Variants in CFAP20DC observed in about 807,000 individuals in gnomAD.
CFAP20DC encodes the protein CFAP20 domain containing, also known as protein CFAP20DC.
In CFAP20DC, 84 loss-of-function variants were observed where a neutral mutation model predicts 101.7. The observed-to-expected ratio is 0.83, with a 90% CI of 0.69 to 0.99. The LOEUF (loss-of-function observed/expected upper bound fraction) is 0.99. CFAP20DC is among the 50% of genes least tolerant of loss of function. CFAP20DC has a pLI of 0.00. For missense variants in CFAP20DC, 1,007 were observed against 970.3 expected, an observed-to-expected ratio of 1.04 and a Z score of -0.50; for synonymous variants, 359 against 351.2, an observed-to-expected ratio of 1.02 and a Z score of -0.25.
intron 4 of CFAP20DC, among the ~76,000 whole-genome samples, chr3:59,004,023 T>C (rs1377173816): frequency 3.3e-5 from 5 of 152,192 alleles, no homozygotes; most frequent in South Asian, 4.1e-4. Flanking sequence ...AATGTCTTGA[T>C]ATAGTTACAG....
rs1191345947 is a variant in CFAP20DC at position 58,795,779 on chromosome 3, A to G, written c.2237+10616T>C. 6.6e-6 allele frequency among the ~76,000 whole-genome samples: 1 copy of G among 152,212 alleles called. No homozygotes were observed. Among genetic ancestry groups the G allele is most frequent in the Non-Finnish European group, 1.5e-5 (1 of 68,044 alleles). ...AGGGGAATGGGTTTCATAAGTTTAT[A>G]ATTTTCGAAAACATGACAATAACTG... On this transcript the variant is annotated intron_variant, in intron 15 of 16. Transcript: ENST00000482387. This position sits in a 1 kb window ranked among gnomAD's most constrained non-coding sequence, Gnocchi z 4.2.
chr3:58,816,820 C>T (rs2075207654), intron 14 of CFAP20DC, among the ~76,000 whole-genome samples: 1 of 152,168 alleles, frequency 6.6e-6, no homozygotes, highest in South Asian at 2.1e-4. Context: ...CCTCTGTAGG[C>T]TCCACCTCTG....
Position 58,816,975 on chromosome 3 carries a change from C to T in CFAP20DC, c.2176-10519G>A, listed in dbSNP as rs180679690. Among the ~76,000 whole-genome samples, 1,244 of 152,264 alleles carry T rather than the reference C, an allele frequency of 8.2e-3. 18 individuals carry two copies. Among genetic ancestry groups the T allele is most frequent in the South Asian group, 0.03 (144 of 4,818 alleles). ...AGCAGACTGCCTCCTCAAGTGGGTC[C>T]CTGGCCCCTGACCCCCGAGCAGCCT... On this transcript the variant is annotated intron_variant, in intron 14 of 16. Coordinates refer to ENST00000482387, the MANE Select transcript of CFAP20DC (RefSeq NM_001394063.1).
At chr3:58,947,169 G>A (rs954995173) in intron 4 of CFAP20DC, among the ~76,000 whole-genome samples, 5 of 152,170 alleles carry the variant, frequency 3.3e-5, no homozygotes, top group Admixed American at 1.3e-4. Context: ...CTTCCTCTGG[G>A]AAGGAAAGAG....
At chr3:58,936,274 A>G (rs2087591128) in intron 5 of CFAP20DC, among the ~76,000 whole-genome samples, 1 of 152,188 alleles carries the variant, frequency 6.6e-6, no homozygotes, top group South Asian at 2.1e-4. Flanking sequence ...TCAGGAAACA[A>G]CAGGTGCTGG....
chr3:58,987,612 AAT>A (rs1361330873), intron 4 of CFAP20DC, among the ~76,000 whole-genome samples: 2 of 152,020 alleles, frequency 1.3e-5, no homozygotes, highest in Non-Finnish European at 2.9e-5. Context: ...GAAATTTAAA[AAT>A]ACAGTATCAG....
intron 15 of CFAP20DC, among the ~76,000 whole-genome samples, chr3:58,764,066 A>C (rs1177710617): frequency 6.6e-6 from 1 of 152,192 alleles, no homozygotes; most frequent in East Asian, 1.9e-4. Context: ...CAAAGCTGTC[A>C]GACAGGGACA....
rs1414318226 is a variant in CFAP20DC at position 58,935,743 on chromosome 3, C to A, written c.393+1905G>T. On this transcript the variant is annotated intron_variant, in intron 5 of 16. Coordinates refer to ENST00000482387, the MANE Select transcript of CFAP20DC (RefSeq NM_001394063.1). ...ATATGTAGAAAGCTGAAACTGGATC[C>A]CTTCCTTACATCTTATACAAAAATT... 3.9e-5 allele frequency among the ~76,000 whole-genome samples: 6 copies of A among 152,222 alleles called. No homozygotes were observed. In the South Asian group the frequency reaches 6.2e-4, roughly 16 times the overall value.
intron 4 of CFAP20DC, among the ~76,000 whole-genome samples, chr3:58,966,627 G>A (rs902375603): frequency 2.0e-5 from 3 of 151,270 alleles, no homozygotes; most frequent in African/African-American, 4.9e-5. Flanking sequence ...GGGTTCAAGC[G>A]ATTCTCCTAC....
At chr3:58,727,901 T>G (rs1559525648) in intron 3 of CFAP20DC, 1 of 152,196 alleles carries the variant, frequency 6.6e-6, no homozygotes, top group Non-Finnish European at 1.5e-5. Context: ...ACAGTTGCTA[T>G]GTAGAGTGGA....
At chr3:58,855,138 C>G (rs1373832567) in intron 12 of CFAP20DC, among the ~76,000 whole-genome samples, 1 of 151,530 alleles carries the variant, frequency 6.6e-6, no homozygotes, top group Non-Finnish European at 1.5e-5. Flanking sequence ...ACAAATTTAC[C>G]AGAAAAAAAC....
At position 58,964,297 on chromosome 3, in the gene CFAP20DC, G is replaced by A. The variant is rs553079184; in HGVS notation, c.279-26535C>T. On this transcript the variant is annotated intron_variant, in intron 4 of 16. Coordinates refer to ENST00000482387, the MANE Select transcript of CFAP20DC (RefSeq NM_001394063.1). This position sits in a 1 kb window ranked among gnomAD's most constrained non-coding sequence, Gnocchi z 4.1. The stretch of plus-strand genomic sequence containing the variant: ...AGGCTGGTCACTCAAATGCCTTCAT[G>A]TCCTGAAAAGACCTTTTGAGGTACA... 2.0e-5 allele frequency among the ~76,000 whole-genome samples: 3 copies of A among 152,316 alleles called. No homozygotes were observed. The highest frequency in any genetic ancestry group is 3.9e-4 in the East Asian group (2 of 5,186).
chr3:58,716,900 A>T (rs1047793851), downstream of CFAP20DC, among the ~76,000 whole-genome samples: 2 of 151,944 alleles, frequency 1.3e-5, no homozygotes, highest in Non-Finnish European at 2.9e-5. Flanking sequence ...AAATAGGCCC[A>T]CTAGGCATTG....
At chr3:58,737,324 A>T (rs779979240), downstream of CFAP20DC, 2 of 439,920 alleles carry the variant, frequency 4.5e-6, no homozygotes, top group African/African-American at 2.0e-5. This position sits in a 1 kb window ranked among gnomAD's most constrained non-coding sequence, Gnocchi z 4.1. Context: ...ACACACACAG[A>T]CACACACCCA....
intron 6 of CFAP20DC, among the ~76,000 whole-genome samples, chr3:58,886,622 G>A (rs2081650973): frequency 6.6e-6 from 1 of 151,932 alleles, no homozygotes; most frequent in African/African-American, 2.4e-5. Context: ...TGAGGTGAGA[G>A]AATCACCTGA....
At chr3:58,862,795 TAA>T in intron 12 of CFAP20DC, 1 of 983,858 alleles carries the variant, frequency 1.0e-6, no homozygotes, top group Non-Finnish European at 1.2e-6. Context: ...GCTTTTAGAA[TAA>T]ATTTTTCCAG....
At chr3:58,890,792 G>T (rs1453551664) in intron 6 of CFAP20DC, among the ~76,000 whole-genome samples, 1 of 148,504 alleles carries the variant, frequency 6.7e-6, no homozygotes, top group East Asian at 2.1e-4. Context: ...AGATGGGGCG[G>T]CGGGGCAGAG....
chr3:58,799,733 C>CTGTGTGTGTGTGTG lies in CFAP20DC; in HGVS notation c.2237+6648_2237+6661dup, dbSNP rs112827949. Among the ~76,000 whole-genome samples, 2 of 142,860 alleles carry CTGTGTGTGTGTGTG rather than the reference C, an allele frequency of 1.4e-5. No individual in the cohort carries two copies. The highest frequency in any genetic ancestry group is 3.1e-5 in the Non-Finnish European group (2 of 63,998). 93.7% of individuals were successfully genotyped at this position (142,860 alleles called of 152,430 possible). ...AGTGTGTGTGTGTCTGTGTGTGTGT[C>CTGTGTGTGTGTGTG]TGTGTGTGTGTGTGTGTGTGTGTGT... On this transcript the variant is annotated intron_variant, in intron 15 of 16. Coordinates refer to ENST00000482387, the MANE Select transcript of CFAP20DC (RefSeq NM_001394063.1). The surrounding 1 kb of genome is among the most constrained non-coding windows in gnomAD (Gnocchi z 4.9).
At position 58,863,992 on chromosome 3, in the gene CFAP20DC, C is replaced by T. The variant is rs2079466244; in HGVS notation, c.1259-100G>A. ...TTTTAGTTTTTGAGACAGTCTCACT[C>T]TGCCGCCTAGGCTGCAGTGCAGTCA... On this transcript the variant is annotated intron_variant, in intron 11 of 16. Transcript: ENST00000482387. This position sits in a 1 kb window ranked among gnomAD's most constrained non-coding sequence, Gnocchi z 5.9. 2.5e-6 allele frequency: 3 copies of T among 1,198,034 alleles called. No homozygotes were observed. Among genetic ancestry groups the T allele is most frequent in the African/African-American group, 1.5e-5 (1 of 65,060 alleles). 74.2% of individuals were successfully genotyped at this position (1,198,034 alleles called of 1,614,324 possible).
Sources: allele counts gnomAD v4.1 joint callset (sites outside exome capture counted in the v4.1 genomes callset), GRCh38; gene constraint gnomAD v4.1.1; non-coding constraint Gnocchi (gnomAD v3.1); transcripts MANE v1.5; gene names NCBI Gene and HGNC (gene_info 2026-07-23, HGNC 2026-07-21).